APCDD1L: variants seen among roughly 807,000 people sequenced by gnomAD.
APCDD1L encodes APC down-regulated 1 like, also known as protein APCDD1-like.
Under a neutral mutation model 24.2 loss-of-function variants are expected in APCDD1L, and 21 were observed. That is an observed-to-expected ratio of 0.87 (90% CI 0.61 to 1.25). The LOEUF (loss-of-function observed/expected upper bound fraction) is 1.25. Ranked by LOEUF, APCDD1L falls within the 50% of genes most tolerant of loss-of-function variation. APCDD1L has a pLI of 0.00. For synonymous variants in APCDD1L, 321 were observed against 323.6 expected, an observed-to-expected ratio of 0.99 and a Z score of 0.09; for missense variants, 704 against 711.7, an observed-to-expected ratio of 0.99 and a Z score of 0.12.
intron 1 of APCDD1L, among the ~76,000 whole-genome samples, chr20:58,509,936 G>GCCAA (rs1990596194): frequency 6.6e-6 from 1 of 152,092 alleles, no homozygotes; most frequent in Admixed American, 6.5e-5. Context: ...ACCAGCCCCT[G>GCCAA]CCAACCCCTG....
At chr20:58,486,854 G>GTTTGT (rs1555822685) in intron 1 of APCDD1L, among the ~76,000 whole-genome samples, 2 of 80,402 alleles carry the variant, frequency 2.5e-5, no homozygotes, top group Non-Finnish European at 4.3e-5. Flanking sequence ...TGGAGGGAAG[G>GTTTGT]TTTTTTTTTT....
intron 1 of APCDD1L, among the ~76,000 whole-genome samples, chr20:58,485,175 A>C (rs1990099157): frequency 6.8e-6 from 1 of 147,956 alleles, no homozygotes; most frequent in Admixed American, 6.8e-5. Context: ...CACAATTATC[A>C]AAACAACAAT....
chr20:58,509,277 G>T (rs1462288531), intron 1 of APCDD1L, among the ~76,000 whole-genome samples: 1 of 152,154 alleles, frequency 6.6e-6, no homozygotes, highest in African/African-American at 2.4e-5. Flanking sequence ...AGGGCCTTTG[G>T]ATTGGGCTTT....
intron 1 of APCDD1L, among the ~76,000 whole-genome samples, chr20:58,509,029 G>T (rs1600883051): frequency 6.6e-6 from 1 of 151,774 alleles, no homozygotes; most frequent in East Asian, 1.9e-4. Flanking sequence ...GAGTCAACGA[G>T]TCAATTTTAG....
At chr20:58,484,739 G>C (rs1399700329) in intron 1 of APCDD1L, among the ~76,000 whole-genome samples, 1 of 152,112 alleles carries the variant, frequency 6.6e-6, no homozygotes, top group Non-Finnish European at 1.5e-5. Flanking sequence ...CCCTAATCAA[G>C]AAGAGTCCAA....
chr20:58,482,628 G>A (rs188204768), intron 1 of APCDD1L, among the ~76,000 whole-genome samples: 2 of 152,182 alleles, frequency 1.3e-5, no homozygotes, highest in Admixed American at 6.5e-5. Context: ...TTACCACCAC[G>A]ATAACAAGAT....
chr20:58,480,636 C>T (rs1397091011), intron 1 of APCDD1L, among the ~76,000 whole-genome samples: 1 of 152,172 alleles, frequency 6.6e-6, no homozygotes, highest in Non-Finnish European at 1.5e-5. Context: ...GCCACTCCTG[C>T]TGAGGGAAAG....
At chr20:58,488,617 C>T (rs1990167980) in intron 1 of APCDD1L, among the ~76,000 whole-genome samples, 1 of 152,162 alleles carries the variant, frequency 6.6e-6, no homozygotes, top group African/African-American at 2.4e-5. Context: ...CCCAAACACT[C>T]AGGCATCAAT....
intron 1 of APCDD1L, 77 bp from the exon 2 acceptor site, chr20:58,470,824 T>C: frequency 2.7e-6 from 4 of 1,466,462 alleles, no homozygotes; most frequent in Non-Finnish European, 3.6e-6. Context: ...CCAACCCCAC[T>C]GTGGCCACAG....
rs1478390164 is a variant in APCDD1L, at chr20:58,460,671, G to A, written c.*119C>T. 8.0e-7 allele frequency: 1 copy of A among 1,254,640 alleles called. No individual in the cohort carries two copies. The highest frequency in any genetic ancestry group is 1.5e-5 in the African/African-American group (1 of 66,380). 77.7% of individuals were successfully genotyped at this position (1,254,640 alleles called of 1,614,324 possible). A position where few individuals can be genotyped will look rare whatever the true frequency, so the allele number is the denominator to read the frequency against. On this transcript the variant is annotated 3_prime_UTR_variant, in exon 4 of 4. Coordinates refer to ENST00000371149, the MANE Select transcript of APCDD1L (RefSeq NM_153360.3). This position sits in a 1 kb window ranked among gnomAD's most constrained non-coding sequence, Gnocchi z 4.2. Reference sequence around the variant, plus strand: ...CACAGGCAGAGTTTGGAAGCAGTGGGGCTGTGCATCCATCCATGACAGAGC... The same window carrying A: ...CACAGGCAGAGTTTGGAAGCAGTGGAGCTGTGCATCCATCCATGACAGAGC...
rs143936025 is a variant in APCDD1L at position 58,484,367 on chromosome 20, C to T, written c.50-13620G>A. On this transcript the variant is annotated intron_variant, in intron 1 of 3. Transcript: ENST00000371149. ...TAGAGTCTGGGGATGCCAAAAGGCA[C>T]AGCACAGGGACTCTGGTCCCCTCTG... 4.0e-3 allele frequency among the ~76,000 whole-genome samples: 605 copies of T among 152,352 alleles called. 5 individuals are homozygous for T. Among genetic ancestry groups the T allele is most frequent in the Admixed American group, 7.3e-3 (111 of 15,300 alleles).
intron 1 of APCDD1L, among the ~76,000 whole-genome samples, chr20:58,502,564 TGAA>T (rs1990456489): frequency 6.6e-6 from 1 of 152,170 alleles, no homozygotes; most frequent in Non-Finnish European, 1.5e-5. Context: ...GAATGCTTGT[TGAA>T]GAACTGAATA....
chr20:58,510,059 C>CAATT (rs1161932099), intron 1 of APCDD1L, among the ~76,000 whole-genome samples: 2,545 of 152,314 alleles, frequency 0.017, 65 homozygotes, highest in African/African-American at 0.056. Flanking sequence ...CCTCCTCATT[C>CAATT]AGTTTTTCAA....
chr20:58,461,223 G>A lies in APCDD1L; in HGVS notation c.1073C>T (p.Ala358Val). 4 of 1,613,604 alleles carry A rather than the reference G, an allele frequency of 2.5e-6. No individual in the cohort carries two copies. Among genetic ancestry groups the A allele is most frequent in the Non-Finnish European group, 3.4e-6 (4 of 1,179,898 alleles). The change falls in exon 4 of 4, where the codon GCC (alanine) becomes GTC (valine). Residue 358 changes from alanine (A) to valine (V), a missense_variant. By Grantham distance (64) the Ala-to-Val change is moderately conservative. Transcript: ENST00000371149. The surrounding 1 kb of genome is among the most constrained non-coding windows in gnomAD (Gnocchi z 6.0). Reference sequence around the variant, plus strand: ...GACCTGGTCCATGGGGGTCACATGGGCCCGTGTGACCTCAAACACCAGCTC... The same window carrying A: ...GACCTGGTCCATGGGGGTCACATGGACCCGTGTGACCTCAAACACCAGCTC... ...GTELVFEVTR[A>V]HVTPMDQVTT...
At chr20:58,479,953 G>A (rs1989993464) in intron 1 of APCDD1L, among the ~76,000 whole-genome samples, 1 of 152,212 alleles carries the variant, frequency 6.6e-6, no homozygotes, top group East Asian at 1.9e-4. Flanking sequence ...ACCCCCAGAA[G>A]GCTGCAGATT....
chr20:58,482,189 A>G (rs1990037242), intron 1 of APCDD1L, among the ~76,000 whole-genome samples: 1 of 152,250 alleles, frequency 6.6e-6, no homozygotes, highest in South Asian at 2.1e-4. Flanking sequence ...CATTCAAAAT[A>G]AGATATTTCC....
chr20:58,481,177 T>C (rs1990017857), intron 1 of APCDD1L, among the ~76,000 whole-genome samples: 1 of 152,234 alleles, frequency 6.6e-6, no homozygotes, highest in African/African-American at 2.4e-5. Flanking sequence ...TTGCCTGCCC[T>C]AAGCGGTGTA....
chr20:58,466,425 G>A (rs899661972), intron 3 of APCDD1L, among the ~76,000 whole-genome samples: 1 of 152,254 alleles, frequency 6.6e-6, no homozygotes, highest in African/African-American at 2.4e-5. Flanking sequence ...GGGAGTGGGC[G>A]AGGGTGGCGC....
chr20:58,496,419 C>T (rs985604431), intron 1 of APCDD1L, among the ~76,000 whole-genome samples: 3 of 152,240 alleles, frequency 2.0e-5, no homozygotes, highest in African/African-American at 7.2e-5. Flanking sequence ...GAGGGACAGA[C>T]ATTGCTCAAA....
Sources: gnomAD v4.1 joint callset for allele counts (sites outside exome capture counted in the v4.1 genomes callset) on GRCh38, gnomAD v4.1.1 for gene constraint, Gnocchi (gnomAD v3.1) non-coding constraint, MANE v1.5 for transcripts, NCBI Gene and HGNC (gene_info 2026-07-23, HGNC 2026-07-21) for gene names.